Variants in CHRM3 observed in about 807,000 individuals in gnomAD.
The protein encoded by CHRM3 is muscarinic acetylcholine receptor M3.
CHRM3 carries 11 observed loss-of-function variants against 41.8 expected under a neutral mutation model. That is an observed-to-expected ratio of 0.26 (90% CI 0.17 to 0.44). The LOEUF (loss-of-function observed/expected upper bound fraction) is 0.44. Among genes scored for constraint, CHRM3 ranks in the 20% least tolerant of loss-of-function variants. The pLI, the probability that CHRM3 is intolerant of heterozygous loss-of-function variation, is 1.00. For synonymous variants in CHRM3, 297 were observed against 301.4 expected, an observed-to-expected ratio of 0.99 and a Z score of 0.15; for missense variants, 571 against 745.4, an observed-to-expected ratio of 0.77 and a Z score of 2.72.
intron 5 of CHRM3, among the ~76,000 whole-genome samples, chr1:239,740,703 T>A (rs1443022610): frequency 6.6e-6 from 1 of 151,904 alleles, no homozygotes; most frequent in African/African-American, 2.4e-5. Flanking sequence ...ATGTGGCCAA[T>A]AAACATGAAA....
intron 5 of CHRM3, among the ~76,000 whole-genome samples, chr1:239,708,120 AAC>A (rs781245884): frequency 3.9e-5 from 6 of 152,188 alleles, no homozygotes; most frequent in Non-Finnish European, 7.3e-5. Flanking sequence ...GGTGTGTAAT[AAC>A]ACTTTATGTT....
intron 5 of CHRM3, chr1:239,718,884 TA>T (rs1450643315): frequency 2.0e-5 from 3 of 151,974 alleles, no homozygotes; most frequent in Admixed American, 2.0e-4. Context: ...TAACTAACAG[TA>T]CATCTTTTTC....
intron 2 of CHRM3, among the ~76,000 whole-genome samples, chr1:239,539,744 C>CCT (rs1384719164): frequency 6.6e-6 from 1 of 152,020 alleles, no homozygotes; most frequent in African/African-American, 2.4e-5. Context: ...GATCCTCCTA[C>CCT]CTCAGCCTCC....
At position 239,522,715 on chromosome 1, in the gene CHRM3, A is replaced by G. The variant is rs531625638; in HGVS notation, c.-421-22926A>G. On this transcript the variant is annotated intron_variant, in intron 2 of 6. Transcript: ENST00000676153. ...GCAGATGCGTTTAGACTTCGAGTCC[A>G]CTTTCTCCTTCCAAGAACTATGTGG... Among the ~76,000 whole-genome samples the G allele has an allele frequency of 5.3e-5, 8 of 152,266 alleles. No homozygotes were observed. In the South Asian group the frequency reaches 1.5e-3, roughly 28 times the overall value.
Position 239,718,306 on chromosome 1 carries a change from A to G in CHRM3, c.-147+40018A>G, listed in dbSNP as rs1344685464. Among the ~76,000 whole-genome samples the G allele has an allele frequency of 3.3e-5, 5 of 152,086 alleles. No homozygotes were observed. The East Asian group carries it at 9.7e-4, about 29-fold the overall frequency. On this transcript the variant is annotated intron_variant, in intron 5 of 6. Coordinates refer to ENST00000676153, the MANE Select transcript of CHRM3 (RefSeq NM_001375978.1). ...GTTTGGAATTTGAAATAAATTCACC[A>G]TGGAATGTGTCTTAGAGACCAAGGT...
chr1:239,775,389 A>G (rs1572253856), intron 5 of CHRM3, among the ~76,000 whole-genome samples: 1 of 152,162 alleles, frequency 6.6e-6, no homozygotes, highest in African/African-American at 2.4e-5. Context: ...AGATGGGAGG[A>G]ATTCTTCAGT....
chr1:239,614,174 AATG>A (rs936000494), intron 3 of CHRM3, among the ~76,000 whole-genome samples: 2 of 152,062 alleles, frequency 1.3e-5, no homozygotes, highest in Non-Finnish European at 2.9e-5. Context: ...CTCTAATAAT[AATG>A]ATAATAATAA....
chr1:239,778,341 T>A (rs1668259296), intron 5 of CHRM3, among the ~76,000 whole-genome samples: 1 of 152,220 alleles, frequency 6.6e-6, no homozygotes, highest in South Asian at 2.1e-4. Flanking sequence ...CAATGTTTAC[T>A]CTATATTGGA....
chr1:239,704,645 A>G (rs1056261146), intron 5 of CHRM3: 1 of 152,200 alleles, frequency 6.6e-6, no homozygotes, highest in African/African-American at 2.4e-5. Flanking sequence ...CAATACCAGA[A>G]GGAGGAAAGG....
intron 1 of CHRM3, among the ~76,000 whole-genome samples, chr1:239,406,165 C>T (rs1182858940): frequency 2.0e-5 from 3 of 152,188 alleles, no homozygotes; most frequent in South Asian, 2.1e-4. Context: ...GCTGGGATTA[C>T]AGGCGTGAGC....
chr1:239,698,653 A>G (rs754214938), intron 5 of CHRM3, among the ~76,000 whole-genome samples: 2 of 152,196 alleles, frequency 1.3e-5, no homozygotes, highest in Non-Finnish European at 2.9e-5. Flanking sequence ...GCAAAAGTCA[A>G]TTCTTCCAAA....
intron 2 of CHRM3, among the ~76,000 whole-genome samples, chr1:239,535,320 C>G (rs1658086611): frequency 6.6e-6 from 1 of 151,916 alleles, no homozygotes; most frequent in South Asian, 2.1e-4. Flanking sequence ...ATGTACATCT[C>G]ATACCTAACG....
chr1:239,716,460 G>A (rs1662377176), intron 5 of CHRM3, among the ~76,000 whole-genome samples: 1 of 151,948 alleles, frequency 6.6e-6, no homozygotes, highest in African/African-American at 2.4e-5. Flanking sequence ...ATCGAAAAGG[G>A]CATTGACGTC....
intron 5 of CHRM3, among the ~76,000 whole-genome samples, chr1:239,790,330 C>T (rs1375592688): frequency 6.6e-6 from 1 of 152,128 alleles, no homozygotes; most frequent in Non-Finnish European, 1.5e-5. Context: ...CAAATTCTCA[C>T]CTTGAATTGT....
intron 2 of CHRM3, among the ~76,000 whole-genome samples, chr1:239,534,399 A>C (rs1310800670): frequency 1.3e-5 from 2 of 152,258 alleles, no homozygotes; most frequent in Non-Finnish European, 2.9e-5. Flanking sequence ...GCGTATTCAC[A>C]GAATATTACC....
At chr1:239,585,949 T>C (rs1663354511) in intron 3 of CHRM3, among the ~76,000 whole-genome samples, 1 of 152,234 alleles carries the variant, frequency 6.6e-6, no homozygotes. Flanking sequence ...GAGATGAGAA[T>C]ACTTTGCTCC....
At chr1:239,554,733 T>TC (rs1449325386) in intron 3 of CHRM3, among the ~76,000 whole-genome samples, 1 of 147,782 alleles carries the variant, frequency 6.8e-6, no homozygotes, top group Non-Finnish European at 1.5e-5. Flanking sequence ...TTCTTTCTTT[T>TC]TTTTTTTTTT....
intron 5 of CHRM3, among the ~76,000 whole-genome samples, chr1:239,738,677 G>A (rs550684994): frequency 1.1e-4 from 16 of 152,288 alleles, no homozygotes; most frequent in African/African-American, 3.6e-4. Flanking sequence ...AGTCTATACA[G>A]ACCCATGACT....
intron 5 of CHRM3, among the ~76,000 whole-genome samples, chr1:239,709,624 T>C (rs1052886872): frequency 6.6e-6 from 1 of 152,216 alleles, no homozygotes; most frequent in Non-Finnish European, 1.5e-5. Flanking sequence ...ATTAAGCTGC[T>C]AAAAGGGGGC....
Sources: gnomAD v4.1 joint callset for allele counts (sites outside exome capture counted in the v4.1 genomes callset) on GRCh38, gnomAD v4.1.1 for gene constraint, MANE v1.5 for transcripts, NCBI Gene and HGNC (gene_info 2026-07-23, HGNC 2026-07-21) for gene names.